The following CTNNBIP1 variants were observed in gnomAD, a reference collection of about 807,000 sequenced individuals.
CTNNBIP1 encodes the protein catenin beta interacting protein 1.
CTNNBIP1 carries 7 observed loss-of-function variants against 11.8 expected under a neutral mutation model. The observed-to-expected ratio is 0.60, with a 90% CI of 0.34 to 1.12. The LOEUF (loss-of-function observed/expected upper bound fraction) is 1.12, where lower values mean the gene tolerates loss of function less well. Among genes scored for constraint, CTNNBIP1 ranks in the 50% most tolerant of loss-of-function variants. The probability of loss-of-function intolerance (pLI) is 0.03; values close to 1 mark genes in which losing one functional copy is unlikely to be tolerated. For synonymous variants in CTNNBIP1, 58 were observed against 43.9 expected (o/e 1.32, Z -1.26); for missense variants, 101 against 113.4 (o/e 0.89, Z 0.50).
At chr1:9,904,236 C>G (rs1009294854) in intron 1 of CTNNBIP1, among the ~76,000 whole-genome samples, 6 of 152,176 alleles carry the variant, frequency 3.9e-5, no homozygotes, top group African/African-American at 1.4e-4. Context: ...CCCCAGGACT[C>G]TGAAAGTGAC....
chr1:9,860,777 G>T (rs2101451878), intron 5 of CTNNBIP1, among the ~76,000 whole-genome samples: 1 of 152,194 alleles, frequency 6.6e-6, no homozygotes, highest in East Asian at 1.9e-4. Flanking sequence ...TCCCAGGACG[G>T]TGTCAGACAT....
At chr1:9,859,636 C>T (rs1189584875) in intron 5 of CTNNBIP1, among the ~76,000 whole-genome samples, 2 of 152,222 alleles carry the variant, frequency 1.3e-5, no homozygotes, top group East Asian at 1.9e-4. Flanking sequence ...CGATGCATTT[C>T]CTGAACTGCC....
intron 5 of CTNNBIP1, among the ~76,000 whole-genome samples, chr1:9,855,946 G>C (rs1638493385): frequency 6.6e-6 from 1 of 151,980 alleles, no homozygotes; most frequent in Non-Finnish European, 1.5e-5. Context: ...AGGAGTTTGA[G>C]ACCAGCCTGA....
chr1:9,857,058 G>A (rs1042491908), intron 5 of CTNNBIP1, among the ~76,000 whole-genome samples: 6 of 149,836 alleles, frequency 4.0e-5, no homozygotes, highest in African/African-American at 1.5e-4. Flanking sequence ...GGAGGCAGAG[G>A]TTGCAGTGAG....
At chr1:9,891,865 A>C (rs1330775606) in intron 1 of CTNNBIP1, among the ~76,000 whole-genome samples, 1 of 136,778 alleles carries the variant, frequency 7.3e-6, no homozygotes, top group Non-Finnish European at 1.5e-5. Flanking sequence ...GCAGTGGCGC[A>C]ATCTCGTTTC....
intron 2 of CTNNBIP1, among the ~76,000 whole-genome samples, chr1:9,882,967 G>T (rs573152807): frequency 7.2e-5 from 11 of 152,212 alleles, no homozygotes; most frequent in Non-Finnish European, 1.3e-4. Context: ...CACTTCTGGG[G>T]GCTACTTGGC....
chr1:9,887,050 T>C (rs1639203801), intron 1 of CTNNBIP1, among the ~76,000 whole-genome samples: 1 of 152,140 alleles, frequency 6.6e-6, no homozygotes, highest in African/African-American at 2.4e-5. Context: ...CACAGCCCCA[T>C]TCTTAGGGGA....
chr1:9,880,746 C>A (rs1639064172), intron 2 of CTNNBIP1, among the ~76,000 whole-genome samples: 2 of 152,290 alleles, frequency 1.3e-5, no homozygotes, highest in South Asian at 4.1e-4. Context: ...TCCCTGGACC[C>A]CAGGGCCCAT....
rs573618721 is a variant in CTNNBIP1, at chr1:9,883,948, G to A, written c.-143-210C>T. On this transcript the variant is annotated intron_variant, in intron 1 of 5. Transcript: ENST00000377263. The surrounding 1 kb of genome is among the most constrained non-coding windows in gnomAD (Gnocchi z 5.6). ...TCAAGGAGGAAGAAGGTGGGGGAACGGGAGTCTGAAGATGCTGTGGGCAGG... is the reference window on the plus strand; with the variant it reads ...TCAAGGAGGAAGAAGGTGGGGGAACAGGAGTCTGAAGATGCTGTGGGCAGG... 3.3e-5 allele frequency among the ~76,000 whole-genome samples: 5 copies of A among 152,302 alleles called. No individual in the cohort carries two copies. The highest frequency in any genetic ancestry group is 2.1e-4 in the South Asian group (1 of 4,824).
chr1:9,894,903 C>CTTTT (rs1557764202), intron 1 of CTNNBIP1, among the ~76,000 whole-genome samples: 1 of 109,460 alleles, frequency 9.1e-6, no homozygotes, highest in African/African-American at 5.2e-5. Context: ...CCATGCCTGG[C>CTTTT]TATTTTTTTT....
Position 9,867,460 on chromosome 1 carries a change from C to G in CTNNBIP1, c.187+3727G>C, listed in dbSNP as rs899001374. Among the ~76,000 whole-genome samples, 1 of 152,176 alleles carries G rather than the reference C, an allele frequency of 6.6e-6. No homozygotes were observed. Among genetic ancestry groups the G allele is most frequent in the African/African-American group, 2.4e-5 (1 of 41,448 alleles). On this transcript the variant is annotated intron_variant, in intron 5 of 5. Coordinates refer to ENST00000377263, the MANE Select transcript of CTNNBIP1 (RefSeq NM_020248.3). The surrounding 1 kb of genome is among the most constrained non-coding windows in gnomAD (Gnocchi z 4.6). ...AGTAAGGGAGCAGTGCCCCAGGTAC[C>G]AGACCCATCCAGCCCTGGAGGGGAA...
intron 1 of CTNNBIP1, among the ~76,000 whole-genome samples, chr1:9,891,710 G>C (rs930634570): frequency 4.6e-5 from 7 of 151,924 alleles, no homozygotes; most frequent in African/African-American, 1.7e-4. Context: ...GGGAGACTGA[G>C]GTAGGAGAAT....
At chr1:9,876,841 TAC>T (rs1368991651) in intron 3 of CTNNBIP1, among the ~76,000 whole-genome samples, 1 of 97,312 alleles carries the variant, frequency 1.0e-5, no homozygotes, top group Non-Finnish European at 1.9e-5. Context: ...ACTCCTGCTA[TAC>T]ATACACACAC....
At chr1:9,901,702 C>T (rs754936647) in intron 1 of CTNNBIP1, among the ~76,000 whole-genome samples, 4 of 152,256 alleles carry the variant, frequency 2.6e-5, no homozygotes, top group South Asian at 2.1e-4. Flanking sequence ...AGCGTCACTG[C>T]GGGCTCCAAT....
chr1:9,909,354 C>T (rs915869492), intron 1 of CTNNBIP1, among the ~76,000 whole-genome samples: 2 of 152,234 alleles, frequency 1.3e-5, no homozygotes, highest in Non-Finnish European at 2.9e-5. Context: ...TTGCGGCCAA[C>T]ACGGCCCCCG....
At chr1:9,865,281 A>G (rs1257943453) in intron 5 of CTNNBIP1, among the ~76,000 whole-genome samples, 1 of 151,156 alleles carries the variant, frequency 6.6e-6, no homozygotes, top group Non-Finnish European at 1.5e-5. Flanking sequence ...CAGTGAAATT[A>G]TCATGCGTAA....
At chr1:9,906,870 G>A (rs1045579261) in intron 1 of CTNNBIP1, among the ~76,000 whole-genome samples, 6 of 152,220 alleles carry the variant, frequency 3.9e-5, no homozygotes, top group Non-Finnish European at 8.8e-5. Context: ...TGTGCAGGGC[G>A]CTGATTCAGA....
chr1:9,909,751 T>A (rs945246028), intron 1 of CTNNBIP1, among the ~76,000 whole-genome samples: 1 of 150,062 alleles, frequency 6.7e-6, no homozygotes, highest in Non-Finnish European at 1.5e-5. Context: ...AGTCTCAGAG[T>A]GGGCGCAGGT....
chr1:9,851,653 G>A lies in CTNNBIP1; in HGVS notation c.188-877C>T, dbSNP rs537893115. On this transcript the variant is annotated intron_variant, in intron 5 of 5. Transcript: ENST00000377263. The surrounding 1 kb of genome is among the most constrained non-coding windows in gnomAD (Gnocchi z 4.8). ...CCCAAAGTGCTGGGATTATAGGCAG[G>A]AGCCACCGTGCCCAGCCAATCCTTC... Among the ~76,000 whole-genome samples, 1 of 152,304 alleles carries A rather than the reference G, an allele frequency of 6.6e-6. No individual in the cohort carries two copies. The highest frequency in any genetic ancestry group is 6.5e-5 in the Admixed American group (1 of 15,302).
Sources: gnomAD v4.1 joint callset for allele counts (sites outside exome capture counted in the v4.1 genomes callset) on GRCh38, gnomAD v4.1.1 for gene constraint, Gnocchi (gnomAD v3.1) non-coding constraint, MANE v1.5 for transcripts, NCBI Gene and HGNC (gene_info 2026-07-23, HGNC 2026-07-21) for gene names.